CYP27C1: variants seen among roughly 807,000 people sequenced by gnomAD.
CYP27C1 encodes the protein cytochrome P450 family 27 subfamily C member 1.
CYP27C1 carries 29 observed loss-of-function variants against 40.6 expected under a neutral mutation model. That is an observed-to-expected ratio of 0.71 (90% CI 0.53 to 0.97). The LOEUF is 0.97. CYP27C1 is among the 50% of genes least tolerant of loss of function. The pLI is 0.00. For synonymous variants in CYP27C1, 198 were observed against 186.8 expected (o/e 1.06, Z -0.49); for missense variants, 390 against 485.8 (o/e 0.80, Z 1.85).
chr2:127,214,782 G>GT (rs57262340), intron 1 of CYP27C1, among the ~76,000 whole-genome samples: 3,168 of 91,800 alleles, frequency 0.035, 27 homozygotes, highest in African/African-American at 0.054. Context: ...TCCGTTTTTT[G>GT]TTTTTTTTTT....
rs1014092638 is a variant in CYP27C1, at chr2:127,219,231, C to G, written c.282+758G>C. Among the ~76,000 whole-genome samples, 2 of 152,148 alleles carry G rather than the reference C, an allele frequency of 1.3e-5. No homozygotes were observed. Among genetic ancestry groups the G allele is most frequent in the South Asian group, 2.1e-4 (1 of 4,826 alleles). On this transcript the variant is annotated intron_variant, in intron 1 of 8. Transcript: ENST00000664447. The surrounding 1 kb of genome is among the most constrained non-coding windows in gnomAD (Gnocchi z 8.7). ...GAGCTAGGGAACCTAGCGCTCCCCTCGGGCCGGCCCCAGGCAGCAGCCCCC... is the reference window on the plus strand; with the variant it reads ...GAGCTAGGGAACCTAGCGCTCCCCTGGGGCCGGCCCCAGGCAGCAGCCCCC...
In CYP27C1 at chr2:127,201,352, G is replaced by A. The variant is rs1683031781; in HGVS notation, c.674-21C>T. On this transcript the variant is annotated intron_variant, in intron 3 of 8. Coordinates refer to ENST00000664447, the MANE Select transcript of CYP27C1 (RefSeq NM_001367502.1). This position sits in a 1 kb window ranked among gnomAD's most constrained non-coding sequence, Gnocchi z 6.0. ...CACTCCTAGACAGGAAAGAGAATTT[G>A]AAAACCCTCTTCTAGATTATTTACC... The A allele has an allele frequency of 6.2e-7, 1 of 1,603,734 alleles. No homozygotes were observed. Among genetic ancestry groups the A allele is most frequent in the South Asian group, 1.1e-5 (1 of 90,318 alleles).
In CYP27C1 at chr2:127,204,485, A is replaced by AAAGAAAGAAAGGAAGGAAGG. The variant is rs1336827282; in HGVS notation, c.474-915_474-914insCCTTCCTTCCTTTCTTTCTT. ...GAAAGAAAGAAAGAAAGAAAGAAAG[A>AAAGAAAGAAAGGAAGGAAGG]AAGGAAGGAAGGAAGGAAGGAAAGA... On this transcript the variant is annotated intron_variant, in intron 2 of 8. Coordinates refer to ENST00000664447, the MANE Select transcript of CYP27C1 (RefSeq NM_001367502.1). Among the ~76,000 whole-genome samples the AAAGAAAGAAAGGAAGGAAGG allele has an allele frequency of 6.8e-4, 41 of 60,208 alleles. 4 individuals carry two copies. The highest frequency in any genetic ancestry group is 2.7e-3 in the African/African-American group (40 of 14,754). The allele number at this position is 60,208 out of a possible 152,430, so 39.5% of individuals were successfully genotyped here. A position where few individuals can be genotyped will look rare whatever the true frequency, so the allele number is the denominator to read the frequency against.
At position 127,187,315 on chromosome 2, in the gene CYP27C1, T is replaced by TAA; in HGVS notation, c.1569_1570insTT (p.Thr524LeufsTer20). On this transcript the variant is annotated frameshift_variant, in exon 9 of 9. Coordinates refer to ENST00000664447, the MANE Select transcript of CYP27C1 (RefSeq NM_001367502.1). LOFTEE classifies it high-confidence loss of function. ...CGCACGTGGATGGGCCCCCCTGGCG[T>TAA]CAGGAGCCCGTGGGTTTTTGCATGA... 1.2e-6 allele frequency: 2 copies of TAA among 1,614,178 alleles called. No homozygotes were observed. Among genetic ancestry groups the TAA allele is most frequent in the Non-Finnish European group, 1.7e-6 (2 of 1,180,030 alleles).
rs1573893915 is a variant in CYP27C1 at position 127,195,254 on chromosome 2, G to A, written c.1214+81C>T. The A allele has an allele frequency of 2.5e-6, 4 of 1,568,994 alleles. No homozygotes were observed. The African/African-American group carries it at 4.1e-5, about 16-fold the overall frequency. On this transcript the variant is annotated intron_variant, in intron 6 of 8. Transcript: ENST00000664447. The surrounding 1 kb of genome is among the most constrained non-coding windows in gnomAD (Gnocchi z 6.2). ...TCATCCTGAACAGGTCAGCCGGGGGGGCATTTGGAGGACTTGTTGTGATAG... is the reference window on the plus strand; with the variant it reads ...TCATCCTGAACAGGTCAGCCGGGGGAGCATTTGGAGGACTTGTTGTGATAG...
chr2:127,193,079 G>T lies in CYP27C1; in HGVS notation c.1497+15C>A. The stretch of plus-strand genomic sequence containing the variant: ...GGCCGAACCCAAAGGCCAACGTTTG[G>T]CCTCCACGCCCTACCTGGATCACGA... On this transcript the variant is annotated intron_variant, in intron 8 of 8. Transcript: ENST00000664447. 6.2e-7 allele frequency: 1 copy of T among 1,613,764 alleles called. No individual in the cohort carries two copies. The highest frequency in any genetic ancestry group is 8.5e-7 in the Non-Finnish European group (1 of 1,179,896).
chr2:127,193,638 C>T, intron 7 of CYP27C1, 151 bp downstream of exon 7: 1 of 858,262 alleles, frequency 1.2e-6, no homozygotes, highest in Admixed American at 2.5e-5. Context: ...CTTCCTTTCT[C>T]CCAACACCCC....
chr2:127,216,834 T>C (rs929819476), intron 1 of CYP27C1, among the ~76,000 whole-genome samples: 7 of 152,188 alleles, frequency 4.6e-5, no homozygotes, highest in Non-Finnish European at 1.0e-4. Flanking sequence ...CTCTCTTTGG[T>C]ATCTGCCCAG....
intron 8 of CYP27C1, among the ~76,000 whole-genome samples, chr2:127,191,352 C>CAGCAAACAAGCAAACAAGCA (rs1467588324): frequency 6.6e-6 from 1 of 152,202 alleles, no homozygotes; most frequent in African/African-American, 2.4e-5. Flanking sequence ...ATGTTGACAG[C>CAGCAAACAAGCAAACAAGCA]AGCAAACAAG....
In CYP27C1 at chr2:127,218,252, T is replaced by C. The variant is rs1321874090; in HGVS notation, c.282+1737A>G. ...TCCGTCTCAAAGAAACCTGTGCCCA[T>C]GGAACAAACTCTGGGTGAGGTATGA... On this transcript the variant is annotated intron_variant, in intron 1 of 8. Coordinates refer to ENST00000664447, the MANE Select transcript of CYP27C1 (RefSeq NM_001367502.1). This position sits in a 1 kb window ranked among gnomAD's most constrained non-coding sequence, Gnocchi z 6.0. Among the ~76,000 whole-genome samples, 10 of 152,068 alleles carry C rather than the reference T, an allele frequency of 6.6e-5. No homozygotes were observed. Among genetic ancestry groups the C allele is most frequent in the Admixed American group, 6.6e-4 (10 of 15,264 alleles).
chr2:127,216,729 T>G (rs999699983), intron 1 of CYP27C1, among the ~76,000 whole-genome samples: 1 of 152,174 alleles, frequency 6.6e-6, no homozygotes, highest in Non-Finnish European at 1.5e-5. Context: ...TAAATGTAAA[T>G]AGACTAAATT....
chr2:127,198,329 C>A (rs2134795), intron 5 of CYP27C1, among the ~76,000 whole-genome samples: 8 of 152,042 alleles, frequency 5.3e-5, no homozygotes, highest in African/African-American at 1.7e-4. Flanking sequence ...GAAATGAATT[C>A]TTGGCTTTAT....
chr2:127,187,966 G>C (rs1411811663), intron 8 of CYP27C1, among the ~76,000 whole-genome samples: 1 of 152,144 alleles, frequency 6.6e-6, no homozygotes, highest in Non-Finnish European at 1.5e-5. Context: ...GGTAAAACTG[G>C]AATGTACCTA....
In CYP27C1 at chr2:127,219,038, G is replaced by A. The variant is rs1683496346; in HGVS notation, c.282+951C>T. ...CTCCCACGTCCCTGCCTCCAGTCCC[G>A]GCGCGAACTCCAGGTGTCGCCCCCA... On this transcript the variant is annotated intron_variant, in intron 1 of 8. Transcript: ENST00000664447. The surrounding 1 kb of genome is among the most constrained non-coding windows in gnomAD (Gnocchi z 8.7). Among the ~76,000 whole-genome samples, 1 of 152,122 alleles carries A rather than the reference G, an allele frequency of 6.6e-6. No individual in the cohort carries two copies. Among genetic ancestry groups the A allele is most frequent in the Admixed American group, 6.5e-5 (1 of 15,272 alleles).
chr2:127,197,984 G>T lies in CYP27C1; in HGVS notation c.1047+1392C>A, dbSNP rs138154099. The stretch of plus-strand genomic sequence containing the variant: ...GACAGATGTGCAGATGCACACAGCC[G>T]GGAGGGGGCGGTGCCGCTGCATCTT... On this transcript the variant is annotated intron_variant, in intron 5 of 8. Transcript: ENST00000664447. Among the ~76,000 whole-genome samples the T allele has an allele frequency of 1.5e-3, 226 of 152,186 alleles. 1 individual carries two copies. Among genetic ancestry groups the T allele is most frequent in the African/African-American group, 5.3e-3 (220 of 41,518 alleles).
At position 127,201,067 on chromosome 2, in the gene CYP27C1, A is replaced by T. The variant is rs1368444610; in HGVS notation, c.883+55T>A. 1.3e-6 allele frequency: 2 copies of T among 1,546,674 alleles called. No individual in the cohort carries two copies. Among genetic ancestry groups the T allele is most frequent in the Admixed American group, 3.4e-5 (2 of 59,270 alleles). On this transcript the variant is annotated intron_variant, in intron 4 of 8. Coordinates refer to ENST00000664447, the MANE Select transcript of CYP27C1 (RefSeq NM_001367502.1). The surrounding 1 kb of genome is among the most constrained non-coding windows in gnomAD (Gnocchi z 6.0). ...CATTGTCTGGATGAGAGTTAGACAC[A>T]CAACACGGCAGGTCAACCTGCTTCT...
At chr2:127,206,304 T>C (rs1293980852) in intron 1 of CYP27C1, among the ~76,000 whole-genome samples, 1 of 151,938 alleles carries the variant, frequency 6.6e-6, no homozygotes, top group Admixed American at 6.6e-5. Flanking sequence ...TGTTTGTTTG[T>C]TTGTTTGTTT....
At position 127,219,756 on chromosome 2, in the gene CYP27C1, CG is replaced by C. The variant is rs1683511969; in HGVS notation, c.282+232del. ...CTCCCGGTTCCTGCCTCCTCCACCC[CG>C]GATCGCCTTTCCGGCGTCCTCTCCC... On this transcript the variant is annotated intron_variant, in intron 1 of 8. Transcript: ENST00000664447. This position sits in a 1 kb window ranked among gnomAD's most constrained non-coding sequence, Gnocchi z 8.7. Among the ~76,000 whole-genome samples the C allele has an allele frequency of 6.6e-6, 1 of 151,802 alleles. No homozygotes were observed.
rs1047962429 is a variant in CYP27C1, at chr2:127,186,173, C to T, written c.*1098G>A. On this transcript the variant is annotated 3_prime_UTR_variant, in exon 9 of 9. Coordinates refer to ENST00000664447, the MANE Select transcript of CYP27C1 (RefSeq NM_001367502.1). The surrounding 1 kb of genome is among the most constrained non-coding windows in gnomAD (Gnocchi z 4.5). ...CGTCATCATATTTCCAGTTCTTATA[C>T]GTCTGCTCTACTCTGTATTTAGATT... The T allele has an allele frequency of 1.3e-5, 2 of 152,036 alleles. No individual in the cohort carries two copies. The highest frequency in any genetic ancestry group is 4.8e-5 in the African/African-American group (2 of 41,406). 9.4% of individuals were successfully genotyped at this position (152,036 alleles called of 1,614,324 possible). A position where few individuals can be genotyped will look rare whatever the true frequency, so the allele number is the denominator to read the frequency against.
Sources: allele counts gnomAD v4.1 joint callset (sites outside exome capture counted in the v4.1 genomes callset), GRCh38; gene constraint gnomAD v4.1.1; non-coding constraint Gnocchi (gnomAD v3.1); transcripts MANE v1.5; gene names NCBI Gene and HGNC (gene_info 2026-07-23, HGNC 2026-07-21).